Variants in SPTLC3 observed in about 807,000 individuals in gnomAD.
SPTLC3 encodes serine palmitoyltransferase 3.
SPTLC3 carries 36 observed loss-of-function variants against 59.3 expected under a neutral mutation model. The ratio of observed to expected loss-of-function variants is 0.61; its 90% confidence interval spans 0.47 to 0.80. The LOEUF (loss-of-function observed/expected upper bound fraction) is 0.80. Among genes scored for constraint, SPTLC3 ranks in the 30% least tolerant of loss-of-function variants. The pLI is 0.00. For missense variants in SPTLC3, 625 were observed against 685.1 expected (o/e 0.91, Z 0.98); for synonymous variants, 257 against 240.8 (o/e 1.07, Z -0.62).
At chr20:13,060,863 A>G (rs1245755143) in intron 2 of SPTLC3, among the ~76,000 whole-genome samples, 2 of 151,780 alleles carry the variant, frequency 1.3e-5, no homozygotes, top group African/African-American at 2.4e-5. Flanking sequence ...GCTTTATCCA[A>G]TTGTTGATGG....
intron 6 of SPTLC3, among the ~76,000 whole-genome samples, chr20:13,099,568 C>T (rs1989534893): frequency 6.6e-6 from 1 of 152,328 alleles, no homozygotes; most frequent in Non-Finnish European, 1.5e-5. Context: ...GCATATTCTG[C>T]TGCTGTTGTA....
chr20:13,080,769 T>C (rs1988815880), intron 4 of SPTLC3, among the ~76,000 whole-genome samples: 1 of 152,192 alleles, frequency 6.6e-6, no homozygotes, highest in African/African-American at 2.4e-5. Flanking sequence ...TAACTCTATT[T>C]TGAGCAATTT....
intron 2 of SPTLC3, among the ~76,000 whole-genome samples, chr20:13,063,804 G>A (rs933543334): frequency 3.3e-5 from 5 of 151,498 alleles, no homozygotes; most frequent in Middle Eastern, 3.4e-3. Context: ...ACAGGCGCCC[G>A]CCACCACACC....
At chr20:13,088,491 C>A (rs1029386928) in intron 4 of SPTLC3, among the ~76,000 whole-genome samples, 1 of 151,810 alleles carries the variant, frequency 6.6e-6, no homozygotes, top group Non-Finnish European at 1.5e-5. Flanking sequence ...CCCGCCACCA[C>A]GCCCAGCTAA....
chr20:13,083,057 G>A (rs1387050497), intron 4 of SPTLC3, among the ~76,000 whole-genome samples: 4 of 152,126 alleles, frequency 2.6e-5, no homozygotes, highest in African/African-American at 9.7e-5. Flanking sequence ...GTTAGACCTG[G>A]TAGTACAATG....
At chr20:13,019,861 CTTAT>C (rs1985775214) in intron 1 of SPTLC3, among the ~76,000 whole-genome samples, 1 of 152,186 alleles carries the variant, frequency 6.6e-6, no homozygotes, top group Non-Finnish European at 1.5e-5. Context: ...ATACACAGCT[CTTAT>C]TTGTCTGTCT....
chr20:13,063,637 TTTTATTTATTTA>T (rs58141093), intron 2 of SPTLC3, among the ~76,000 whole-genome samples: 4 of 145,638 alleles, frequency 2.7e-5, no homozygotes, highest in African/African-American at 7.6e-5. Context: ...TTTTTTTAAA[TTTTATTTATTTA>T]TTTATTTATT....
At chr20:13,029,112 C>T (rs1016502189) in intron 1 of SPTLC3, among the ~76,000 whole-genome samples, 1 of 152,184 alleles carries the variant, frequency 6.6e-6, no homozygotes, top group Admixed American at 6.5e-5. Flanking sequence ...TATCCCACAG[C>T]TGAAGTACAT....
At position 13,110,046 on chromosome 20, in the gene SPTLC3, A is replaced by C. The variant is rs974948148; in HGVS notation, c.827-66A>C. On this transcript the variant is annotated intron_variant, in intron 6 of 11. Coordinates refer to ENST00000399002, the MANE Select transcript of SPTLC3 (RefSeq NM_018327.4). Reference sequence around the variant, plus strand: ...AGTGTGAACATAAAACATCTGGAAAAAGAAAGTGGAAAAGGAAAAGTAAAC... The same window carrying C: ...AGTGTGAACATAAAACATCTGGAAACAGAAAGTGGAAAAGGAAAAGTAAAC... 23 of 1,383,266 alleles carry C rather than the reference A, an allele frequency of 1.7e-5. No homozygotes were observed. The African/African-American group carries it at 2.8e-4, about 17-fold the overall frequency. 85.7% of individuals were successfully genotyped at this position (1,383,266 alleles called of 1,614,324 possible). A position where few individuals can be genotyped will look rare whatever the true frequency, so the allele number is the denominator to read the frequency against.
rs1384358040 is a variant in SPTLC3 at position 13,168,895 on chromosome 20, T to C, written c.*4028T>C. 3 of 152,088 alleles carry C rather than the reference T, an allele frequency of 2.0e-5. No homozygotes were observed. Among genetic ancestry groups the C allele is most frequent in the Non-Finnish European group, 4.4e-5 (3 of 68,012 alleles). 9.4% of individuals were successfully genotyped at this position (152,088 alleles called of 1,614,324 possible). A position where few individuals can be genotyped will look rare whatever the true frequency, so the allele number is the denominator to read the frequency against. ...TAAAGAGTCTGTATTTTAAATATTT[T>C]TAGGTAATTATTGCGGGACATTGTC... On this transcript the variant is annotated 3_prime_UTR_variant, in exon 12 of 12. Coordinates refer to ENST00000399002, the MANE Select transcript of SPTLC3 (RefSeq NM_018327.4).
At chr20:13,100,572 T>TAAC (rs913294785) in intron 6 of SPTLC3, among the ~76,000 whole-genome samples, 4 of 151,794 alleles carry the variant, frequency 2.6e-5, no homozygotes, top group South Asian at 2.1e-4. Flanking sequence ...TCTTAAACAA[T>TAAC]AACAACAACA....
At position 13,110,199 on chromosome 20, in the gene SPTLC3, T is replaced by C. The variant is rs1360904166; in HGVS notation, c.914T>C (p.Leu305Pro). Residue 305 changes from leucine to proline, a missense_variant, in exon 7 of 12, where the codon CTG (leucine) becomes CCG (proline). Coordinates refer to ENST00000399002, the MANE Select transcript of SPTLC3 (RefSeq NM_018327.4). Reference sequence around the variant, plus strand: ...AGAGCTTGGAAAAAGATTCTCATCCTGGTGGAGGGTGTCTACAGGTATGTA... The same window carrying C: ...AGAGCTTGGAAAAAGATTCTCATCCCGGTGGAGGGTGTCTACAGGTATGTA... ...TRRAWKKILI[L>P]VEGVYSMEGS... 3 of 1,613,472 alleles carry C rather than the reference T, an allele frequency of 1.9e-6. No homozygotes were observed. Among genetic ancestry groups the C allele is most frequent in the Non-Finnish European group, 2.5e-6 (3 of 1,179,730 alleles).
intron 2 of SPTLC3, among the ~76,000 whole-genome samples, chr20:13,059,097 C>A (rs971403860): frequency 2.6e-5 from 4 of 152,178 alleles, no homozygotes; most frequent in Non-Finnish European, 4.4e-5. Context: ...TTGGCCTTGA[C>A]CAGGTCACAA....
intron 6 of SPTLC3, among the ~76,000 whole-genome samples, chr20:13,094,759 A>T (rs1989354105): frequency 6.6e-6 from 1 of 152,182 alleles, no homozygotes. Flanking sequence ...GAGTGGGGTG[A>T]GGTCTGGCTA....
intron 4 of SPTLC3, among the ~76,000 whole-genome samples, chr20:13,089,785 C>CA (rs752234758): frequency 0.13 from 10,272 of 77,464 alleles, 909 homozygotes; most frequent in African/African-American, 0.18. Context: ...GATTCTATCT[C>CA]AAAAAAAAAA....
At chr20:13,011,355 C>T (rs970329883) in intron 1 of SPTLC3, among the ~76,000 whole-genome samples, 2 of 152,190 alleles carry the variant, frequency 1.3e-5, no homozygotes, top group African/African-American at 4.8e-5. Context: ...GCTGGTCTCC[C>T]AAACACGTTC....
intron 9 of SPTLC3, among the ~76,000 whole-genome samples, chr20:13,139,780 T>G (rs929127323): frequency 6.6e-6 from 1 of 152,196 alleles, no homozygotes; most frequent in Non-Finnish European, 1.5e-5. Context: ...TTTCTGATTC[T>G]TTCCAAATGC....
intron 6 of SPTLC3, among the ~76,000 whole-genome samples, chr20:13,101,572 T>C (rs1260765911): frequency 2.0e-5 from 3 of 152,208 alleles, no homozygotes; most frequent in Non-Finnish European, 2.9e-5. Context: ...CCTTGTGCTA[T>C]CCAGCCATTC....
intron 4 of SPTLC3, among the ~76,000 whole-genome samples, chr20:13,076,619 C>CAA (rs34805419): frequency 1.8e-4 from 26 of 146,598 alleles, no homozygotes; most frequent in South Asian, 4.3e-4. Flanking sequence ...ATTATTTTGA[C>CAA]AAAAAAAAAA....
Sources: gnomAD v4.1 joint callset for allele counts (sites outside exome capture counted in the v4.1 genomes callset) on GRCh38, gnomAD v4.1.1 for gene constraint, MANE v1.5 for transcripts, NCBI Gene and HGNC (gene_info 2026-07-23, HGNC 2026-07-21) for gene names.